The following KLHDC1 variants were observed in gnomAD, a reference collection of about 807,000 sequenced individuals.
KLHDC1 encodes the protein kelch domain-containing protein 1.
A neutral mutation model predicts 68.3 loss-of-function variants in KLHDC1; 53 were observed. The ratio of observed to expected loss-of-function variants is 0.78; its 90% CI spans 0.62 to 0.98. The LOEUF (loss-of-function observed/expected upper bound fraction) is 0.98, where lower values mean the gene tolerates loss of function less well. KLHDC1 is among the 50% of genes least tolerant of loss of function. The probability of loss-of-function intolerance (pLI) is 0.00; values close to 1 mark genes in which losing one functional copy is unlikely to be tolerated. For missense variants in KLHDC1, 470 were observed against 492.3 expected (o/e 0.95, Z 0.43); for synonymous variants, 148 against 159.0 (o/e 0.93, Z 0.52).
At chr14:49,696,943 T>C (rs1007408219) in intron 1 of KLHDC1, among the ~76,000 whole-genome samples, 11 of 151,996 alleles carry the variant, frequency 7.2e-5, no homozygotes, top group African/African-American at 2.7e-4. Context: ...ACTTTCTTTT[T>C]TTTTTTTTTT....
At chr14:49,740,609 G>A (rs1266231737) in intron 11 of KLHDC1, among the ~76,000 whole-genome samples, 1 of 152,024 alleles carries the variant, frequency 6.6e-6, no homozygotes, top group Admixed American at 6.5e-5. Context: ...AAAGTGCTGG[G>A]ATTACAGGCG....
chr14:49,736,897 C>G (rs1401361407), intron 10 of KLHDC1, among the ~76,000 whole-genome samples: 5 of 152,232 alleles, frequency 3.3e-5, no homozygotes, highest in African/African-American at 1.2e-4. Flanking sequence ...AACGACTGTT[C>G]TACAGTGTAG....
At chr14:49,696,199 TGAGACA>T (rs1338736940) in intron 1 of KLHDC1, among the ~76,000 whole-genome samples, 31 of 151,450 alleles carry the variant, frequency 2.0e-4, no homozygotes, top group Non-Finnish European at 4.4e-4. Flanking sequence ...TTTTTTTTTT[TGAGACA>T]GAGTTGCCCA....
At chr14:49,748,824 A>G (rs1217390804) in intron 12 of KLHDC1, among the ~76,000 whole-genome samples, 1 of 151,120 alleles carries the variant, frequency 6.6e-6, no homozygotes, top group Non-Finnish European at 1.5e-5. Flanking sequence ...CTTTTGAGAC[A>G]GAGTCTCACT....
intron 4 of KLHDC1, among the ~76,000 whole-genome samples, chr14:49,720,918 A>G (rs562674836): frequency 6.6e-6 from 1 of 152,242 alleles, no homozygotes; most frequent in East Asian, 1.9e-4. Flanking sequence ...AACCTATATA[A>G]TGAATTCTTT....
intron 12 of KLHDC1, among the ~76,000 whole-genome samples, chr14:49,749,731 A>T (rs533550982): frequency 1.3e-5 from 2 of 151,312 alleles, no homozygotes; most frequent in South Asian, 4.2e-4. Context: ...TATTATATTT[A>T]GGATATCTGC....
At chr14:49,718,177 T>G (rs1215698906) in intron 4 of KLHDC1, among the ~76,000 whole-genome samples, 3 of 152,160 alleles carry the variant, frequency 2.0e-5, no homozygotes, top group Non-Finnish European at 4.4e-5. Context: ...TGAACCACTG[T>G]GCCCAGCATT....
chr14:49,719,932 C>G (rs1009247894), intron 4 of KLHDC1, among the ~76,000 whole-genome samples: 7 of 152,010 alleles, frequency 4.6e-5, no homozygotes, highest in South Asian at 4.1e-4. Context: ...TCAAGCGTTC[C>G]TCCTTCCTCC....
intron 11 of KLHDC1, among the ~76,000 whole-genome samples, chr14:49,743,230 A>G (rs1889110978): frequency 6.6e-6 from 1 of 151,692 alleles, no homozygotes; most frequent in African/African-American, 2.4e-5. Context: ...AACCTTGTCT[A>G]TACTAAAAAT....
At chr14:49,693,737 C>CTTTTTTTTTTTTTTTTTTTTTTTTTTT (rs1231296893) in intron 1 of KLHDC1, among the ~76,000 whole-genome samples, 1 of 111,878 alleles carries the variant, frequency 8.9e-6, no homozygotes, top group Non-Finnish European at 1.9e-5. Context: ...TATTTATTTT[C>CTTTTTTTTTTTTTTTTTTTTTTTTTTT]TTTTCTTTTT....
chr14:49,710,112 C>T, intron 3 of KLHDC1, 151 bp from the exon 4 acceptor site: 2 of 554,898 alleles, frequency 3.6e-6, no homozygotes, highest in Non-Finnish European at 6.4e-6. Flanking sequence ...AAAACAGTCT[C>T]ATTTTTATTC....
Position 49,709,249 on chromosome 14 carries a change from A to G in KLHDC1, c.167+20A>G. On this transcript the variant is annotated intron_variant, in intron 2 of 12. Coordinates refer to ENST00000359332, the MANE Select transcript of KLHDC1 (RefSeq NM_172193.3). ...GTTGTGGTAAGTAATTTTAAATTGCATACTGTCTGATCTTAATATCTATTA... is the reference window on the plus strand; with the variant it reads ...GTTGTGGTAAGTAATTTTAAATTGCGTACTGTCTGATCTTAATATCTATTA... The G allele has an allele frequency of 9.7e-7, 1 of 1,030,934 alleles. No individual in the cohort carries two copies. The highest frequency in any genetic ancestry group is 1.5e-6 in the Non-Finnish European group (1 of 676,936). 63.9% of individuals were successfully genotyped at this position (1,030,934 alleles called of 1,614,324 possible). A position where few individuals can be genotyped will look rare whatever the true frequency, so the allele number is the denominator to read the frequency against.
chr14:49,702,243 A>G (rs2139730980), intron 1 of KLHDC1, among the ~76,000 whole-genome samples: 1 of 152,242 alleles, frequency 6.6e-6, no homozygotes, highest in South Asian at 2.1e-4. Context: ...CAAAATAAAT[A>G]CAAATATACA....
At position 49,710,304 on chromosome 14, in the gene KLHDC1, T is replaced by A; in HGVS notation, c.327T>A (p.Ile109=). ...TACGAACAAGAGATGAAACCTACAT[T>A]TGGGAGAAAATCACCGACTTTGAAG... The part of the protein sequence containing the change: ...VNLRTRDETY[I]WEKITDFEGQ... The change falls in exon 4 of 13, where the codon ATT becomes ATA. Residue 109 remains isoleucine, a synonymous_variant. Coordinates refer to ENST00000359332, the MANE Select transcript of KLHDC1 (RefSeq NM_172193.3). 6.2e-7 allele frequency: 1 copy of A among 1,611,786 alleles called. No individual in the cohort carries two copies. The highest frequency in any genetic ancestry group is 1.3e-5 in the African/African-American group (1 of 74,966).
intron 8 of KLHDC1, 129 bp downstream of exon 8, chr14:49,729,677 G>A: frequency 5.1e-6 from 3 of 593,592 alleles, no homozygotes; most frequent in African/African-American, 1.9e-5. Flanking sequence ...GTCTAAGCAA[G>A]GACTATATAG....
chr14:49,749,056 C>A (rs1248538214), intron 12 of KLHDC1, among the ~76,000 whole-genome samples: 3 of 152,020 alleles, frequency 2.0e-5, no homozygotes, highest in African/African-American at 7.2e-5. Context: ...GCCTCGGCCT[C>A]CCAAAGTGCT....
At chr14:49,736,183 A>G (rs1888926906) in intron 10 of KLHDC1, among the ~76,000 whole-genome samples, 1 of 152,200 alleles carries the variant, frequency 6.6e-6, no homozygotes, top group Non-Finnish European at 1.5e-5. Flanking sequence ...TTATATTTCA[A>G]CCCTTAATGA....
chr14:49,735,319 A>C (rs1040508570), intron 10 of KLHDC1, among the ~76,000 whole-genome samples: 1 of 152,046 alleles, frequency 6.6e-6, no homozygotes, highest in Non-Finnish European at 1.5e-5. Flanking sequence ...TCAGCACATT[A>C]TGATCATTAT....
At chr14:49,732,966 C>T (rs1480354626) in intron 9 of KLHDC1, 150 bp downstream of exon 9, 4 of 578,516 alleles carry the variant, frequency 6.9e-6, no homozygotes. Flanking sequence ...TTATGATCTC[C>T]TTGCTTTTGT....
Sources: allele counts gnomAD v4.1 joint callset (sites outside exome capture counted in the v4.1 genomes callset), GRCh38; gene constraint gnomAD v4.1.1; transcripts MANE v1.5; gene names NCBI Gene and HGNC (gene_info 2026-07-23, HGNC 2026-07-21).